The following FRYL variants were observed in gnomAD, a reference collection of about 807,000 sequenced individuals.
The protein encoded by FRYL is protein furry homolog-like.
In FRYL, 150 loss-of-function variants were observed where a neutral mutation model predicts 351.2. The ratio of observed to expected loss-of-function variants is 0.43; its 90% CI spans 0.37 to 0.49. The LOEUF (loss-of-function observed/expected upper bound fraction) is 0.49. Ranked by LOEUF, FRYL falls within the 20% of genes least tolerant of loss-of-function variation. The pLI is 0.00. For missense variants in FRYL, 3,036 were observed against 3,619.3 expected (o/e 0.84, Z 4.13); for synonymous variants, 1,153 against 1,257.1 (o/e 0.92, Z 1.75).
intron 16 of FRYL, among the ~76,000 whole-genome samples, chr4:48,592,007 T>C (rs1297968743): frequency 3.3e-5 from 5 of 149,782 alleles, no homozygotes; most frequent in Non-Finnish European, 5.9e-5. Flanking sequence ...ACACCAGTGG[T>C]CTCTCAAGTG....
intron 44 of FRYL, among the ~76,000 whole-genome samples, chr4:48,543,010 C>A (rs1043680684): frequency 6.6e-6 from 1 of 152,116 alleles, no homozygotes; most frequent in Non-Finnish European, 1.5e-5. Flanking sequence ...TTGAACCTAC[C>A]TACCTCATCA....
At chr4:48,759,413 T>G (rs568816278) in intron 1 of FRYL, among the ~76,000 whole-genome samples, 1 of 152,178 alleles carries the variant, frequency 6.6e-6, no homozygotes, top group Admixed American at 6.5e-5. Context: ...ACTATACCAG[T>G]TTCCCATTGC....
chr4:48,655,517 C>T (rs926116970), intron 3 of FRYL, among the ~76,000 whole-genome samples: 2 of 151,716 alleles, frequency 1.3e-5, no homozygotes, highest in African/African-American at 4.8e-5. Context: ...CCCAGTTTTA[C>T]AGAAACTAGT....
intron 60 of FRYL, chr4:48,505,257 A>G: frequency 2.7e-6 from 1 of 364,726 alleles, no homozygotes; most frequent in Admixed American, 3.9e-5. Context: ...TTTAAGAGGC[A>G]CATGCAACTT....
At chr4:48,606,181 G>A (rs772979942) in intron 10 of FRYL, among the ~76,000 whole-genome samples, 6 of 151,736 alleles carry the variant, frequency 4.0e-5, no homozygotes, top group South Asian at 4.2e-4. Context: ...CCTGAGGCAG[G>A]AGAATCGCTT....
At chr4:48,711,147 G>A (rs368048405) in intron 1 of FRYL, among the ~76,000 whole-genome samples, 1 of 152,196 alleles carries the variant, frequency 6.6e-6, no homozygotes, top group Non-Finnish European at 1.5e-5. Flanking sequence ...CACAGAAGAC[G>A]GGTGATTTCT....
intron 53 of FRYL, among the ~76,000 whole-genome samples, chr4:48,526,717 T>C (rs1415543357): frequency 6.6e-6 from 1 of 152,210 alleles, no homozygotes; most frequent in Non-Finnish European, 1.5e-5. Context: ...TAAGCTCTAA[T>C]TCTGGACTAG....
intron 55 of FRYL, among the ~76,000 whole-genome samples, chr4:48,516,674 T>A (rs940024969): frequency 1.3e-5 from 2 of 152,182 alleles, no homozygotes; most frequent in Non-Finnish European, 2.9e-5. Context: ...AAATGAAGGA[T>A]TTTGACTAGA....
chr4:48,689,313 T>C (rs1765471859), intron 2 of FRYL, among the ~76,000 whole-genome samples: 1 of 152,202 alleles, frequency 6.6e-6, no homozygotes, highest in African/African-American at 2.4e-5. Flanking sequence ...AGCATCACAG[T>C]GGTACATTTT....
chr4:48,671,891 A>G (rs867697272), intron 3 of FRYL, among the ~76,000 whole-genome samples: 1,625 of 142,142 alleles, frequency 0.011, 63 homozygotes, highest in African/African-American at 0.04. Context: ...AAAAAAAAAA[A>G]GAAGGAAAGA....
At chr4:48,587,397 T>A (rs1009930119) in intron 18 of FRYL, among the ~76,000 whole-genome samples, 4 of 152,250 alleles carry the variant, frequency 2.6e-5, no homozygotes, top group African/African-American at 9.6e-5. Flanking sequence ...TCTAACCTCT[T>A]AATATACTGG....
At chr4:48,629,936 A>G (rs1484003819) in intron 4 of FRYL, among the ~76,000 whole-genome samples, 2 of 152,186 alleles carry the variant, frequency 1.3e-5, no homozygotes, top group Non-Finnish European at 2.9e-5. Flanking sequence ...TGCCTTTCTT[A>G]GGAAAGGGCA....
intron 35 of FRYL, among the ~76,000 whole-genome samples, chr4:48,554,558 C>T (rs1278946799): frequency 6.6e-6 from 1 of 152,092 alleles, no homozygotes; most frequent in Admixed American, 6.5e-5. Flanking sequence ...AGGCTGGTCT[C>T]GAACTCCTGA....
chr4:48,517,112 C>T (rs1042112787), intron 55 of FRYL, among the ~76,000 whole-genome samples: 1 of 152,084 alleles, frequency 6.6e-6, no homozygotes, highest in Non-Finnish European at 1.5e-5. Flanking sequence ...AATTCTTCCA[C>T]CAGTTTATAT....
chr4:48,634,389 G>T lies in FRYL; in HGVS notation c.22C>A (p.Pro8Thr). The T allele has an allele frequency of 6.2e-7, 1 of 1,612,104 alleles. No individual in the cohort carries two copies. MSNITID[P>T]DVKPGEYVIK... is the part of the protein sequence containing the mutation. Reference sequence around the variant, plus strand: ...ACATATTCACCAGGTTTGACATCTGGGTCAATCGTAATGTTTGACATGATG... The same window carrying T: ...ACATATTCACCAGGTTTGACATCTGTGTCAATCGTAATGTTTGACATGATG... Residue 8 changes from proline to threonine, a missense_variant, in exon 4 of 64, where the codon CCA (proline) becomes ACA (threonine). Coordinates refer to ENST00000358350, the MANE Select transcript of FRYL (RefSeq NM_015030.2).
intron 1 of FRYL, among the ~76,000 whole-genome samples, chr4:48,777,921 T>G (rs1429445967): frequency 6.6e-6 from 1 of 152,134 alleles, no homozygotes; most frequent in Non-Finnish European, 1.5e-5. Flanking sequence ...GCACGGTGGC[T>G]CAGTCTGTAA....
At position 48,732,588 on chromosome 4, in the gene FRYL, C is replaced by A. The variant is rs187739477; in HGVS notation, c.-383-21890G>T. Among the ~76,000 whole-genome samples, 27 of 152,162 alleles carry A rather than the reference C, an allele frequency of 1.8e-4. No homozygotes were observed. The East Asian group carries it at 5.0e-3, about 28-fold the overall frequency. On this transcript the variant is annotated intron_variant, in intron 1 of 63. Coordinates refer to ENST00000358350, the MANE Select transcript of FRYL (RefSeq NM_015030.2). The stretch of plus-strand genomic sequence containing the variant: ...TGGCACATATACACCATGGAATACT[C>A]TGCAGCCATAAAAAAGGATGAGTTC...
chr4:48,670,867 T>A (rs1762542263), intron 3 of FRYL, among the ~76,000 whole-genome samples: 1 of 152,218 alleles, frequency 6.6e-6, no homozygotes. Context: ...TTTAGGTTGC[T>A]TCCAAATCTC....
At chr4:48,733,574 T>C (rs1410249977) in intron 1 of FRYL, among the ~76,000 whole-genome samples, 1 of 152,142 alleles carries the variant, frequency 6.6e-6, no homozygotes, top group African/African-American at 2.4e-5. Flanking sequence ...TTACTCCTAA[T>C]TAACTTACCA....
Sources: gnomAD v4.1 joint callset for allele counts (sites outside exome capture counted in the v4.1 genomes callset) on GRCh38, gnomAD v4.1.1 for gene constraint, MANE v1.5 for transcripts, NCBI Gene and HGNC (gene_info 2026-07-23, HGNC 2026-07-21) for gene names.